VCL: variants seen among roughly 807,000 people sequenced by gnomAD.
VCL encodes the protein epididymis luminal protein 114.
A neutral mutation model predicts 125.7 loss-of-function variants in VCL; 47 were observed. The observed-to-expected ratio is 0.37, with a 90% CI of 0.30 to 0.48. VCL has a LOEUF of 0.48. Ranked by LOEUF, VCL falls within the 20% of genes least tolerant of loss-of-function variation. VCL has a pLI of 0.99. For missense variants in VCL, 1,069 were observed against 1,455.5 expected (o/e 0.73, Z 4.32); for synonymous variants, 458 against 514.6 (o/e 0.89, Z 1.49).
chr10:74,093,934 G>A (rs1308517752), intron 10 of VCL, among the ~76,000 whole-genome samples: 1 of 152,144 alleles, frequency 6.6e-6, no homozygotes, highest in East Asian at 1.9e-4. Context: ...TGGCTGCCTG[G>A]GCCCACCCAG....
At chr10:74,093,959 G>A (rs74146324) in intron 10 of VCL, among the ~76,000 whole-genome samples, 19,944 of 152,158 alleles carry the variant, frequency 0.13, 4,277 homozygotes, top group African/African-American at 0.45. Flanking sequence ...AGAGGAAACT[G>A]GTGTTTTCAG....
intron 1 of VCL, chr10:74,005,226 T>C (rs2136222863): frequency 6.6e-6 from 1 of 152,246 alleles, no homozygotes; most frequent in Admixed American, 6.5e-5. Flanking sequence ...GAGACAGATA[T>C]CTATATCTAT....
intron 2 of VCL, among the ~76,000 whole-genome samples, chr10:74,067,288 A>G (rs1013088395): frequency 5.9e-5 from 9 of 152,206 alleles, no homozygotes; most frequent in Admixed American, 4.6e-4. Flanking sequence ...CAAGCACATG[A>G]AAAGATGTTC....
intron 10 of VCL, among the ~76,000 whole-genome samples, chr10:74,091,869 G>A (rs190998282): frequency 2.3e-4 from 35 of 150,666 alleles, no homozygotes; most frequent in South Asian, 2.1e-3. Flanking sequence ...CTGTTCTGGC[G>A]CGGATGGGCT....
chr10:74,105,401 C>A lies in VCL; in HGVS notation c.2434+48C>A. On this transcript the variant is annotated intron_variant, in intron 16 of 21. Coordinates refer to ENST00000211998, the MANE Select transcript of VCL (RefSeq NM_014000.3). ...TCTCACCTCCACTGAGAGGTTAACT[C>A]AGGAAAGGTCGTGAGGGAATATGTA... 3 of 1,610,244 alleles carry A rather than the reference C, an allele frequency of 1.9e-6. No homozygotes were observed. The East Asian group carries it at 6.7e-5, about 36-fold the overall frequency.
chr10:74,029,510 C>T (rs1372697629), intron 1 of VCL, among the ~76,000 whole-genome samples: 1 of 152,164 alleles, frequency 6.6e-6, no homozygotes, highest in East Asian at 1.9e-4. Flanking sequence ...CAAGGTTGCT[C>T]TGCTAACATT....
chr10:74,092,123 T>C (rs1839899893), intron 10 of VCL, among the ~76,000 whole-genome samples: 1 of 152,090 alleles, frequency 6.6e-6, no homozygotes, highest in African/African-American at 2.4e-5. Context: ...TTGTCCAGGA[T>C]GGTCTTGATC....
intron 19 of VCL, 143 bp from the exon 20 acceptor site, chr10:74,114,041 A>G: frequency 1.1e-6 from 1 of 894,078 alleles, no homozygotes; most frequent in Non-Finnish European, 1.8e-6. Context: ...GTATCACTCA[A>G]GAACGGCCCT....
intron 5 of VCL, 96 bp from the exon 6 acceptor site, chr10:74,074,647 A>T (rs1839552003): frequency 7.0e-7 from 1 of 1,438,032 alleles, no homozygotes; most frequent in Admixed American, 2.1e-5. Flanking sequence ...GGATCTTAAA[A>T]GCCCAAAACA....
chr10:74,084,896 G>A (rs1163862532), intron 8 of VCL, among the ~76,000 whole-genome samples: 17 of 152,148 alleles, frequency 1.1e-4, no homozygotes, highest in African/African-American at 4.1e-4. Flanking sequence ...ATAGGTGTGA[G>A]CCACCATGCC....
chr10:74,060,965 C>T (rs1841470939), intron 2 of VCL, among the ~76,000 whole-genome samples: 2 of 151,900 alleles, frequency 1.3e-5, no homozygotes, highest in Admixed American at 1.3e-4. Flanking sequence ...TGATATATAG[C>T]ATAAGATTTT....
At chr10:74,087,039 C>T (rs191132469) in intron 8 of VCL, among the ~76,000 whole-genome samples, 457 of 151,960 alleles carry the variant, frequency 3.0e-3, no homozygotes, top group Non-Finnish European at 4.5e-3. Flanking sequence ...TCTAAATTTC[C>T]AGCCTCAGAG....
At chr10:74,052,744 C>CT (rs915908729) in intron 2 of VCL, among the ~76,000 whole-genome samples, 150 of 143,766 alleles carry the variant, frequency 1.0e-3, no homozygotes, top group Non-Finnish European at 1.0e-3. Flanking sequence ...TGTAGTAAGA[C>CT]TTTTTTTTTT....
At chr10:74,021,356 A>G (rs767033576) in intron 1 of VCL, among the ~76,000 whole-genome samples, 59 of 151,594 alleles carry the variant, frequency 3.9e-4, no homozygotes, top group African/African-American at 9.7e-4. Flanking sequence ...ACAGACTTCA[A>G]TGTTGAATTG....
intron 2 of VCL, among the ~76,000 whole-genome samples, chr10:74,066,047 G>GTATATATATATATATATATA (rs143197525): frequency 1.5e-5 from 2 of 133,214 alleles, no homozygotes; most frequent in Non-Finnish European, 1.6e-5. Flanking sequence ...ATCAATTTTG[G>GTATATATATATATATATATA]TATATATATA....
chr10:74,084,120 C>T (rs527351020), intron 8 of VCL, among the ~76,000 whole-genome samples: 102 of 152,126 alleles, frequency 6.7e-4, no homozygotes, highest in Non-Finnish European at 1.4e-3. Flanking sequence ...CCTCCTTGGC[C>T]TCCCAAAGTG....
At chr10:74,112,788 G>A (rs1414530915) in intron 19 of VCL, among the ~76,000 whole-genome samples, 2 of 152,106 alleles carry the variant, frequency 1.3e-5, no homozygotes, top group African/African-American at 4.8e-5. Flanking sequence ...TAGGGTGATT[G>A]GGGTGATCAC....
chr10:74,018,201 T>TATATATATATATATATATATATAA (rs1433937715), intron 1 of VCL, among the ~76,000 whole-genome samples: 92 of 139,690 alleles, frequency 6.6e-4, no homozygotes, highest in Non-Finnish European at 9.7e-4. Context: ...TATATATATA[T>TATATATATATATATATATATATAA]AAATACATAT....
chr10:74,057,792 G>T (rs573178213), intron 2 of VCL, among the ~76,000 whole-genome samples: 4 of 152,134 alleles, frequency 2.6e-5, no homozygotes, highest in African/African-American at 9.6e-5. Flanking sequence ...AATTACCTGG[G>T]CATGGTGGCA....
Sources: allele counts gnomAD v4.1 joint callset (sites outside exome capture counted in the v4.1 genomes callset), GRCh38; gene constraint gnomAD v4.1.1; transcripts MANE v1.5; gene names NCBI Gene and HGNC (gene_info 2026-07-23, HGNC 2026-07-21).